Variants in MYBPC1 observed in about 807,000 individuals in gnomAD.
The protein encoded by MYBPC1 is myosin binding protein C1.
A neutral mutation model predicts 147.1 loss-of-function variants in MYBPC1; 52 were observed. The observed-to-expected ratio is 0.35, with a 90% CI of 0.28 to 0.45. MYBPC1 has a LOEUF of 0.45. Among genes scored for constraint, MYBPC1 ranks in the 20% least tolerant of loss-of-function variants. The pLI is 1.00. For missense variants in MYBPC1, 1,228 were observed against 1,440.3 expected (o/e 0.85, Z 2.39); for synonymous variants, 477 against 475.9 (o/e 1.00, Z -0.03).
At chr12:101,672,573 C>T (rs1012055900) in intron 24 of MYBPC1, among the ~76,000 whole-genome samples, 1 of 152,168 alleles carries the variant, frequency 6.6e-6, no homozygotes, top group African/African-American at 2.4e-5. Flanking sequence ...ATTGGCCGGG[C>T]ACGGTGGCTC....
At chr12:101,670,031 T>C in intron 23 of MYBPC1, 1 of 504,780 alleles carries the variant, frequency 2.0e-6, no homozygotes, top group South Asian at 2.0e-5. Context: ...TTAGGCTTAT[T>C]ACAACAATAA....
At chr12:101,662,971 AT>A (rs1358477647) in intron 21 of MYBPC1, among the ~76,000 whole-genome samples, 6 of 152,338 alleles carry the variant, frequency 3.9e-5, no homozygotes, top group African/African-American at 1.4e-4. Context: ...TCTTTGCTTT[AT>A]GGTCACACCT....
chr12:101,634,719 C>G, intron 9 of MYBPC1, 114 bp downstream of exon 9: 1 of 852,096 alleles, frequency 1.2e-6, no homozygotes, highest in East Asian at 2.6e-5. Context: ...ACACTTTTCA[C>G]CGCAAAAACA....
At chr12:101,661,827 G>T (rs903187723) in intron 20 of MYBPC1, among the ~76,000 whole-genome samples, 1 of 150,476 alleles carries the variant, frequency 6.6e-6, no homozygotes, top group African/African-American at 2.4e-5. Context: ...GCCCTGGGGC[G>T]TGGAGGTTGC....
intron 31 of MYBPC1, among the ~76,000 whole-genome samples, chr12:101,685,012 C>G (rs145992953): frequency 6.6e-6 from 1 of 151,900 alleles, no homozygotes; most frequent in African/African-American, 2.4e-5. Flanking sequence ...AGGTGTTTCT[C>G]GCACCTTCAG....
chr12:101,615,196 A>G (rs1885558930), intron 2 of MYBPC1, among the ~76,000 whole-genome samples: 1 of 152,206 alleles, frequency 6.6e-6, no homozygotes, highest in Admixed American at 6.5e-5. Flanking sequence ...ACATACACCT[A>G]AAGAAGAAAA....
chr12:101,604,706 T>A (rs536979669), intron 1 of MYBPC1, among the ~76,000 whole-genome samples: 1 of 152,324 alleles, frequency 6.6e-6, no homozygotes, highest in East Asian at 1.9e-4. Context: ...AAAAATGGAC[T>A]CATATTGATT....
At position 101,649,385 on chromosome 12, in the gene MYBPC1, T is replaced by C; in HGVS notation, c.1322T>C (p.Met441Thr). The C allele has an allele frequency of 6.2e-7, 1 of 1,613,992 alleles. No homozygotes were observed. Among genetic ancestry groups the C allele is most frequent in the Non-Finnish European group, 8.5e-7 (1 of 1,179,898 alleles). Residue 441 changes from methionine (M) to threonine (T), a missense_variant, in exon 15 of 32, where the codon ATG (methionine) becomes ACG (threonine). Transcript: ENST00000361466. The part of the protein sequence containing the change: ...TKADAAEYSV[M>T]TTGGQSSAKL... Reference sequence around the variant, plus strand: ...GCTGATGCTGCAGAATATTCAGTAATGACAACAGGAGGACAATCATCTGCT... The same window carrying C: ...GCTGATGCTGCAGAATATTCAGTAACGACAACAGGAGGACAATCATCTGCT...
intron 8 of MYBPC1, among the ~76,000 whole-genome samples, chr12:101,634,186 C>A (rs1890542744): frequency 6.6e-6 from 1 of 152,214 alleles, no homozygotes; most frequent in Admixed American, 6.5e-5. Context: ...AGGCGTGAGC[C>A]ACCGCGCCCG....
At chr12:101,651,451 T>C in intron 16 of MYBPC1, 58 bp downstream of exon 16, 2 of 1,599,026 alleles carry the variant, frequency 1.3e-6, no homozygotes, top group Non-Finnish European at 1.7e-6. Context: ...TTTCTCCATT[T>C]TCTAAATTAC....
At chr12:101,652,180 G>T (rs1894608233) in intron 16 of MYBPC1, among the ~76,000 whole-genome samples, 1 of 152,116 alleles carries the variant, frequency 6.6e-6, no homozygotes, top group Non-Finnish European at 1.5e-5. Flanking sequence ...CTGTGAAATT[G>T]TGAGAAAATT....
At chr12:101,658,075 G>T (rs1311202000) in intron 18 of MYBPC1, among the ~76,000 whole-genome samples, 1 of 148,790 alleles carries the variant, frequency 6.7e-6, no homozygotes, top group Non-Finnish European at 1.5e-5. Flanking sequence ...AGCTTGCAGT[G>T]AGCCGAGATC....
At chr12:101,682,310 A>G (rs1358967279) in intron 29 of MYBPC1, among the ~76,000 whole-genome samples, 1 of 152,232 alleles carries the variant, frequency 6.6e-6, no homozygotes, top group Non-Finnish European at 1.5e-5. Context: ...CCCTCCTTAA[A>G]AGCGAATAGT....
At chr12:101,606,150 G>A (rs1882060962) in intron 1 of MYBPC1, among the ~76,000 whole-genome samples, 1 of 151,422 alleles carries the variant, frequency 6.6e-6, no homozygotes, top group Non-Finnish European at 1.5e-5. Context: ...CCGAGATCAC[G>A]CCACTGCACT....
intron 1 of MYBPC1, 96 bp downstream of exon 1, chr12:101,595,191 G>A (rs934243915): frequency 7.2e-6 from 8 of 1,111,384 alleles, no homozygotes; most frequent in African/African-American, 1.6e-5. Flanking sequence ...TTAACTAGAT[G>A]AGAAAATAAA....
rs1408193144 is a variant in MYBPC1 at position 101,614,547 on chromosome 12, C to T, written c.61+16C>T. On this transcript the variant is annotated intron_variant, in intron 2 of 31. Transcript: ENST00000361466. ...CCCCCGGAAGGTGAGTAAAAACACT[C>T]ACTCACACACGTTTGGGCTGCAAAT... The T allele has an allele frequency of 6.2e-7, 1 of 1,612,790 alleles. No individual in the cohort carries two copies. Among genetic ancestry groups the T allele is most frequent in the South Asian group, 1.1e-5 (1 of 90,906 alleles).
In MYBPC1 at chr12:101,626,875, A is replaced by G. The variant is rs1263427030; in HGVS notation, c.107A>G (p.Glu36Gly). ...TTACTCCTATTTCTTGTTTCAGATGAAGAGGAAGTCTCCCCGCCTAGCGCC... is the reference window on the plus strand; with the variant it reads ...TTACTCCTATTTCTTGTTTCAGATGGAGAGGAAGTCTCCCCGCCTAGCGCC... ...KEAGTTPAKD[E>G]EEVSPPSALP... The change falls in exon 4 of 32, where the codon GAA (glutamate) becomes GGA (glycine). Residue 36 changes from glutamate to glycine, a missense_variant. Glu to Gly is a moderately conservative substitution (Grantham distance 98). Around this residue, in one of 2 missense-constraint regions of MYBPC1, gnomAD observed 151 missense variants for 126.1 expected, o/e 1.20. Coordinates refer to ENST00000361466, the MANE Select transcript of MYBPC1 (RefSeq NM_002465.4). 2 of 1,612,280 alleles carry G rather than the reference A, an allele frequency of 1.2e-6. No homozygotes were observed. Among genetic ancestry groups the G allele is most frequent in the African/African-American group, 2.7e-5 (2 of 74,856 alleles).
chr12:101,682,660 C>T lies in MYBPC1; in HGVS notation c.3490C>T (p.Gln1164Ter). 6.2e-7 allele frequency: 1 copy of T among 1,612,224 alleles called. No individual in the cohort carries two copies. The highest frequency in any genetic ancestry group is 8.5e-7 in the Non-Finnish European group (1 of 1,178,388). Reference protein sequence around the residue: ...GQPVFLEGQQQSLHNKDF With the variant: ...GQPVFLEGQQ ...ACCAGTCTTCCTGGAGGGGCAGCAA[C>T]AGGTTTAAAAAGTTTATATCCCACT... The change falls in exon 30 of 32, where the codon CAG becomes TAG. Residue 1164 changes from glutamine (Q) to a stop codon, truncating the protein, a stop_gained and splice_region_variant. Coordinates refer to ENST00000361466, the MANE Select transcript of MYBPC1 (RefSeq NM_002465.4). LOFTEE classifies it high-confidence loss of function.
intron 1 of MYBPC1, among the ~76,000 whole-genome samples, chr12:101,596,067 T>C (rs11110875): frequency 0.14 from 21,403 of 152,120 alleles, 3,428 homozygotes; most frequent in African/African-American, 0.39. Context: ...AAAGAAAGAT[T>C]AGCAGGAAAC....
Sources: gnomAD v4.1 joint callset for allele counts (sites outside exome capture counted in the v4.1 genomes callset) on GRCh38, gnomAD v4.1.1 for gene constraint, gnomAD v4.1.1 regional missense constraint, MANE v1.5 for transcripts, NCBI Gene and HGNC (gene_info 2026-07-23, HGNC 2026-07-21) for gene names.